The following SMURF2 variants were observed in gnomAD, a reference collection of about 807,000 sequenced individuals.
The protein encoded by SMURF2 is E3 ubiquitin-protein ligase SMURF2.
A neutral mutation model predicts 109.6 loss-of-function variants in SMURF2; 48 were observed. That is an observed-to-expected ratio of 0.44 (90% CI 0.35 to 0.56). The LOEUF is 0.56. SMURF2 is among the 20% of genes least tolerant of loss of function. SMURF2 has a pLI of 0.01. For missense variants in SMURF2, 575 were observed against 909.0 expected (o/e 0.63, Z 4.72); for synonymous variants, 288 against 317.1 (o/e 0.91, Z 0.97).
chr17:64,555,733 TA>T, intron 14 of SMURF2, 86 bp downstream of exon 14: 2 of 882,618 alleles, frequency 2.3e-6, no homozygotes, highest in Non-Finnish European at 3.3e-6. Flanking sequence ...ATTTTCTGTG[TA>T]ATTTTTTTAA....
rs112911296 is a variant in SMURF2, at chr17:64,593,398, C to T, written c.334+42G>A. On this transcript the variant is annotated intron_variant, in intron 4 of 18. Transcript: ENST00000262435. Reference sequence around the variant, plus strand: ...GCACAAATACATATACACACACACACATATATGTTTTTTAATTGGAAAAGC... The same window carrying T: ...GCACAAATACATATACACACACACATATATATGTTTTTTAATTGGAAAAGC... 4 of 1,577,646 alleles carry T rather than the reference C, an allele frequency of 2.5e-6. No individual in the cohort carries two copies. Among genetic ancestry groups the T allele is most frequent in the South Asian group, 2.3e-5 (2 of 86,866 alleles).
chr17:64,599,515 G>C (rs1969864113), intron 2 of SMURF2, among the ~76,000 whole-genome samples: 1 of 152,214 alleles, frequency 6.6e-6, no homozygotes, highest in African/African-American at 2.4e-5. Context: ...GGCCGGTACA[G>C]GTTCGTGGCC....
chr17:64,642,138 A>C (rs1376885460), intron 1 of SMURF2, among the ~76,000 whole-genome samples: 1 of 152,172 alleles, frequency 6.6e-6, no homozygotes, highest in East Asian at 1.9e-4. Flanking sequence ...CAATTCTAAT[A>C]AGCCCTTTCT....
At position 64,613,314 on chromosome 17, in the gene SMURF2, T is replaced by C. The variant is rs140096679; in HGVS notation, c.53-6674A>G. 3.3e-5 allele frequency among the ~76,000 whole-genome samples: 5 copies of C among 152,232 alleles called. No homozygotes were observed. The East Asian group carries it at 7.7e-4, about 23-fold the overall frequency. On this transcript the variant is annotated intron_variant, in intron 1 of 18. Transcript: ENST00000262435. ...CAGCAAATTCTCAACTAAGGAGGTA[T>C]GTATCAGAATCCCCTGGAGAATGTA...
At chr17:64,655,053 C>T (rs1437457927) in intron 1 of SMURF2, among the ~76,000 whole-genome samples, 2 of 151,838 alleles carry the variant, frequency 1.3e-5, no homozygotes, top group East Asian at 1.9e-4. Context: ...GAAAACACAA[C>T]GTAAATCACA....
At chr17:64,660,591 A>C (rs1315213914) in intron 1 of SMURF2, among the ~76,000 whole-genome samples, 1 of 152,248 alleles carries the variant, frequency 6.6e-6, no homozygotes, top group East Asian at 1.9e-4. Context: ...CAGCAAGTTC[A>C]GCCAGTGGAC....
intron 12 of SMURF2, among the ~76,000 whole-genome samples, chr17:64,558,298 C>T (rs1490131022): frequency 6.6e-6 from 1 of 151,828 alleles, no homozygotes; most frequent in East Asian, 1.9e-4. Flanking sequence ...ACTTGGGAGG[C>T]AGAGGTGGGA....
chr17:64,659,452 G>A (rs1247460288), intron 1 of SMURF2, among the ~76,000 whole-genome samples: 3 of 149,556 alleles, frequency 2.0e-5, no homozygotes, highest in Non-Finnish European at 4.4e-5. Context: ...AGATCTAAAT[G>A]AACTGTTAAA....
chr17:64,546,229 T>C (rs1968952267), intron 18 of SMURF2, 34 bp downstream of exon 18: 1 of 1,595,678 alleles, frequency 6.3e-7, no homozygotes, highest in Admixed American at 1.7e-5. Context: ...CTTATGTACA[T>C]GGAATGGGGA....
At chr17:64,546,172 ACTAGTAAGT>A in intron 18 of SMURF2, 82 bp downstream of exon 18, 1 of 1,233,502 alleles carries the variant, frequency 8.1e-7, no homozygotes, top group South Asian at 1.3e-5. Flanking sequence ...CCCATTTAAC[ACTAGTAAGT>A]ACAATAAATA....
chr17:64,628,099 C>T (rs974504082), intron 1 of SMURF2, among the ~76,000 whole-genome samples: 1 of 152,188 alleles, frequency 6.6e-6, no homozygotes, highest in Non-Finnish European at 1.5e-5. Flanking sequence ...TTTCCATCAC[C>T]TTCTGATGGT....
intron 17 of SMURF2, among the ~76,000 whole-genome samples, chr17:64,546,803 G>C (rs1246940183): frequency 1.3e-5 from 2 of 152,216 alleles, no homozygotes; most frequent in Non-Finnish European, 2.9e-5. Flanking sequence ...AATACATGTA[G>C]CAGAAATACA....
At chr17:64,631,637 T>C (rs1355974375) in intron 1 of SMURF2, among the ~76,000 whole-genome samples, 2 of 152,012 alleles carry the variant, frequency 1.3e-5, no homozygotes, top group East Asian at 3.9e-4. Context: ...GAACATAAAA[T>C]GCACTTAAAC....
chr17:64,600,835 G>A (rs1432238050), intron 2 of SMURF2, among the ~76,000 whole-genome samples: 1 of 152,052 alleles, frequency 6.6e-6, no homozygotes, highest in Admixed American at 6.6e-5. Flanking sequence ...ATATAAATGT[G>A]TATTTATGAG....
chr17:64,626,258 C>CA (rs782086305), intron 1 of SMURF2, among the ~76,000 whole-genome samples: 5,538 of 57,632 alleles, frequency 0.096, 166 homozygotes, highest in Admixed American at 0.17. Flanking sequence ...GACACGGTCT[C>CA]AAAAAAAAAA....
At position 64,661,817 on chromosome 17, in the gene SMURF2, GC is replaced by G. The variant is rs970746673; in HGVS notation, c.52+11del. ...CCGCGGCTGCCCAGCCCGGCCCGCC[GC>G]CCCCCCTCACCTGTCAGGCGCAGCT... is the stretch of plus-strand genomic sequence containing the variant. On this transcript the variant is annotated intron_variant, in intron 1 of 18. Coordinates refer to ENST00000262435, the MANE Select transcript of SMURF2 (RefSeq NM_022739.4). 2.5e-5 allele frequency: 30 copies of G among 1,216,776 alleles called. No homozygotes were observed. Among genetic ancestry groups the G allele is most frequent in the East Asian group, 3.2e-5 (1 of 30,792 alleles). The allele number at this position is 1,216,776 out of a possible 1,614,324, so 75.4% of individuals were successfully genotyped here. A position where few individuals can be genotyped will look rare whatever the true frequency, so the allele number is the denominator to read the frequency against.
chr17:64,598,508 C>G lies in SMURF2; in HGVS notation c.92-18G>C. 1 of 1,571,858 alleles carries G rather than the reference C, an allele frequency of 6.4e-7. No individual in the cohort carries two copies. The highest frequency in any genetic ancestry group is 2.3e-5 in the East Asian group (1 of 44,204). ...AGGAAGTCCTGTGAAAAAAGATTTTCTAAAATTAATAATTTGACATTTAAG... is the reference window on the plus strand; with the variant it reads ...AGGAAGTCCTGTGAAAAAAGATTTTGTAAAATTAATAATTTGACATTTAAG... On this transcript the variant is annotated intron_variant, in intron 2 of 18. Transcript: ENST00000262435.
intron 1 of SMURF2, among the ~76,000 whole-genome samples, chr17:64,643,319 G>A (rs1367832272): frequency 1.3e-5 from 2 of 152,048 alleles, no homozygotes; most frequent in African/African-American, 4.8e-5. Flanking sequence ...CACTGCACCC[G>A]GCCTAAATTG....
At chr17:64,608,630 CTA>C (rs1970004002) in intron 1 of SMURF2, among the ~76,000 whole-genome samples, 1 of 152,106 alleles carries the variant, frequency 6.6e-6, no homozygotes, top group Admixed American at 6.6e-5. Flanking sequence ...AACCACTATC[CTA>C]TGATTCATGA....
Sources: allele counts gnomAD v4.1 joint callset (sites outside exome capture counted in the v4.1 genomes callset), GRCh38; gene constraint gnomAD v4.1.1; transcripts MANE v1.5; gene names NCBI Gene and HGNC (gene_info 2026-07-23, HGNC 2026-07-21).